ZNF544: variants seen among roughly 807,000 people sequenced by gnomAD.
ZNF544 encodes zinc finger protein AF020591.
Under a neutral mutation model 13.5 loss-of-function variants are expected in ZNF544, and 10 were observed. The observed-to-expected ratio is 0.74, with a 90% CI of 0.46 to 1.25. ZNF544 has a LOEUF of 1.25. ZNF544 is among the 50% of genes most tolerant of loss of function. ZNF544 has a pLI of 0.00. For synonymous variants in ZNF544, 323 were observed against 300.5 expected (o/e 1.07, Z -0.77); for missense variants, 896 against 845.6 (o/e 1.06, Z -0.74).
At position 58,262,375 on chromosome 19, in the gene ZNF544, A is replaced by G. The variant is rs1286251450; in HGVS notation, c.1769A>G (p.Gln590Arg). 6.2e-7 allele frequency: 1 copy of G among 1,614,080 alleles called. No individual in the cohort carries two copies. Among genetic ancestry groups the G allele is most frequent in the East Asian group, 2.2e-5 (1 of 44,882 alleles). Residue 590 changes from glutamine (Q) to arginine (R), a missense_variant, in exon 7 of 7, where the codon CAG becomes CGG. Coordinates refer to ENST00000687789, the MANE Select transcript of ZNF544 (RefSeq NM_014480.4). ...HCGKSFSQSY[Q>R]LVAHKRTHTG... ...GGAAAGTCCTTCAGCCAAAGCTATC[A>G]GTTAGTTGCACATAAAAGAACTCAC...
chr19:58,264,450 G>C (rs1007148024), downstream of ZNF544, among the ~76,000 whole-genome samples: 7 of 151,402 alleles, frequency 4.6e-5, no homozygotes, highest in Non-Finnish European at 8.8e-5. Flanking sequence ...CCAGCACTTT[G>C]GGAGGCTGAG....
At chr19:58,272,433 T>C (rs2147896966) in intron 5 of ZNF544, among the ~76,000 whole-genome samples, 1 of 152,226 alleles carries the variant, frequency 6.6e-6, no homozygotes, top group South Asian at 2.1e-4. Context: ...GGCACGCGCC[T>C]GTTGTTCCAG....
At chr19:58,248,478 C>A (rs1262939029) in intron 6 of ZNF544, among the ~76,000 whole-genome samples, 1 of 151,794 alleles carries the variant, frequency 6.6e-6, no homozygotes, top group Non-Finnish European at 1.5e-5. Flanking sequence ...AGTGATCCTC[C>A]CACCTCAGCC....
At chr19:58,238,860 C>T (rs2042973397) in intron 3 of ZNF544, among the ~76,000 whole-genome samples, 1 of 147,116 alleles carries the variant, frequency 6.8e-6, no homozygotes. Flanking sequence ...CCCACTAAGT[C>T]ACGGTAAAAA....
chr19:58,256,372 C>T (rs370255395), intron 6 of ZNF544, among the ~76,000 whole-genome samples: 2 of 151,818 alleles, frequency 1.3e-5, no homozygotes, highest in African/African-American at 4.8e-5. Context: ...ATTAAGCCGG[C>T]GGCCAAAGAG....
chr19:58,233,273 A>C (rs562756418), intron 3 of ZNF544, among the ~76,000 whole-genome samples: 2 of 152,296 alleles, frequency 1.3e-5, no homozygotes, highest in South Asian at 4.1e-4. Flanking sequence ...GAGGAGATAT[A>C]GGTGGGGACA....
downstream of ZNF544, among the ~76,000 whole-genome samples, chr19:58,268,013 A>G (rs1479741678): frequency 6.6e-6 from 1 of 151,764 alleles, no homozygotes; most frequent in African/African-American, 2.4e-5. Flanking sequence ...GTAAAAAATA[A>G]GACAGACTGG....
chr19:58,231,993 G>A (rs1460536501), intron 3 of ZNF544, among the ~76,000 whole-genome samples: 2 of 150,506 alleles, frequency 1.3e-5, no homozygotes, highest in Admixed American at 1.3e-4. Flanking sequence ...GATGTGTGCC[G>A]CCACGCCCAG....
downstream of ZNF544, among the ~76,000 whole-genome samples, chr19:58,265,842 C>G (rs1047225503): frequency 1.1e-4 from 17 of 152,034 alleles, no homozygotes; most frequent in African/African-American, 4.1e-4. Context: ...CAGCCTTGGC[C>G]TCCCAAAGTC....
chr19:58,268,289 G>A (rs538947298), downstream of ZNF544, among the ~76,000 whole-genome samples: 11 of 152,186 alleles, frequency 7.2e-5, no homozygotes, highest in African/African-American at 2.2e-4. Flanking sequence ...CAACAAGAGT[G>A]AAACTCCGTC....
intron 3 of ZNF544, among the ~76,000 whole-genome samples, chr19:58,231,598 C>T (rs918972029): frequency 1.2e-4 from 18 of 152,136 alleles, no homozygotes; most frequent in African/African-American, 4.3e-4. Flanking sequence ...TGGGGTCTCA[C>T]ATGTTGCCCA....
At chr19:58,254,233 AAG>A (rs2046815090) in intron 6 of ZNF544, among the ~76,000 whole-genome samples, 1 of 152,132 alleles carries the variant, frequency 6.6e-6, no homozygotes, top group African/African-American at 2.4e-5. Context: ...CAAAAAAAAA[AAG>A]GAACAGCAGC....
intron 6 of ZNF544, chr19:58,258,393 G>T (rs181646388): frequency 6.3e-6 from 1 of 157,736 alleles, no homozygotes; most frequent in Admixed American, 6.6e-5. Context: ...GAGGGCACTG[G>T]GTGTGAGGGC....
chr19:58,267,676 T>TTA (rs1568512330), downstream of ZNF544: 1 of 108,934 alleles, frequency 9.2e-6, no homozygotes, highest in Non-Finnish European at 1.8e-5. Context: ...AGACTCCATC[T>TTA]AAAAAAAAAA....
chr19:58,244,062 T>TG lies in ZNF544; in HGVS notation c.33+12dup, dbSNP rs777078405. On this transcript the variant is annotated splice_region_variant and intron_variant, in intron 4 of 6. Transcript: ENST00000687789. ...CTATGCTGGTTCCACCCCAGGTGAG[T>TG]GGGGGGTCTTTGCTCTCAGTGCCTT... The TG allele has an allele frequency of 3.1e-5, 50 of 1,605,722 alleles. No individual in the cohort carries two copies. The highest frequency in any genetic ancestry group is 2.4e-4 in the Admixed American group (14 of 58,688).
intron 6 of ZNF544, among the ~76,000 whole-genome samples, chr19:58,248,273 CTTTT>C (rs34774786): frequency 2.8e-5 from 3 of 108,514 alleles, no homozygotes; most frequent in Admixed American, 1.0e-4. Flanking sequence ...TTTTTTTTTT[CTTTT>C]TTTTTTTTTT....
downstream of ZNF544, among the ~76,000 whole-genome samples, chr19:58,266,097 T>G (rs992507704): frequency 1.8e-4 from 27 of 150,484 alleles, no homozygotes; most frequent in African/African-American, 6.4e-4. Flanking sequence ...TCCCAGCTAC[T>G]CGGGAGGCTG....
intron 3 of ZNF544, among the ~76,000 whole-genome samples, chr19:58,236,364 G>A (rs1481802160): frequency 1.3e-5 from 2 of 151,712 alleles, no homozygotes; most frequent in East Asian, 2.0e-4. Flanking sequence ...CCAGGGTGGT[G>A]GCGCATACCT....
intron 5 of ZNF544, among the ~76,000 whole-genome samples, chr19:58,275,783 C>CAAAAAAA (rs57148438): frequency 0.25 from 16,347 of 65,416 alleles, 2,807 homozygotes; most frequent in Non-Finnish European, 0.33. Context: ...GACCCTGTCT[C>CAAAAAAA]AAAAAAAAAA....
Sources: gnomAD v4.1 joint callset for allele counts (sites outside exome capture counted in the v4.1 genomes callset) on GRCh38, gnomAD v4.1.1 for gene constraint, MANE v1.5 for transcripts, NCBI Gene and HGNC (gene_info 2026-07-23, HGNC 2026-07-21) for gene names.